SYT14: variants seen among roughly 807,000 people sequenced by gnomAD.
SYT14 encodes the protein synaptotagmin 14, also known as synaptotagmin-14.
In SYT14, 32 loss-of-function variants were observed where a neutral mutation model predicts 74.2. That is an observed-to-expected ratio of 0.43 (90% CI 0.33 to 0.58). SYT14 has a LOEUF of 0.58. Ranked by LOEUF, SYT14 falls within the 20% of genes least tolerant of loss-of-function variation. SYT14 has a pLI of 0.05. For synonymous variants in SYT14, 298 were observed against 337.7 expected, an observed-to-expected ratio of 0.88 and a Z score of 1.29; for missense variants, 791 against 981.8, an observed-to-expected ratio of 0.81 and a Z score of 2.60.
chr1:209,991,229 T>G (rs1273915243), intron 2 of SYT14, among the ~76,000 whole-genome samples: 1 of 152,144 alleles, frequency 6.6e-6, no homozygotes, highest in Non-Finnish European at 1.5e-5. Context: ...GACCAAGAAT[T>G]CATGACTGAG....
intron 5 of SYT14, among the ~76,000 whole-genome samples, chr1:210,041,743 A>G (rs1322101984): frequency 2.0e-5 from 3 of 152,142 alleles, no homozygotes; most frequent in South Asian, 4.1e-4. Flanking sequence ...AGACCCTACT[A>G]CTTGGGTCTG....
intron 5 of SYT14, among the ~76,000 whole-genome samples, chr1:210,040,165 T>A (rs2080756050): frequency 6.6e-6 from 1 of 152,150 alleles, no homozygotes. Context: ...GTGGCACATA[T>A]ACACCATGGA....
At position 210,083,067 on chromosome 1, in the gene SYT14, ACCT is replaced by A. The variant is rs201626074; in HGVS notation, c.1313-11252_1313-11250del. On this transcript the variant is annotated intron_variant, in intron 5 of 9. Transcript: ENST00000637265. ...ATGATCTCTCCTGATTGCAACCTCC[ACCT>A]CCCAGGTTCAAGAAATCCTCCCACT... 2.3e-3 allele frequency among the ~76,000 whole-genome samples: 346 copies of A among 150,894 alleles called. 11 individuals carry two copies. The East Asian group carries it at 0.063, about 28-fold the overall frequency.
intron 7 of SYT14, among the ~76,000 whole-genome samples, chr1:210,103,560 AAAAAAAAAG>A (rs2082108834): frequency 1.3e-5 from 2 of 151,616 alleles, no homozygotes; most frequent in African/African-American, 4.8e-5. Context: ...AAAAAAAAAA[AAAAAAAAAG>A]AGTTTAACAT....
intron 1 of SYT14, among the ~76,000 whole-genome samples, chr1:209,951,256 G>A (rs2078908107): frequency 6.6e-6 from 1 of 152,086 alleles, no homozygotes; most frequent in Non-Finnish European, 1.5e-5. Context: ...ACCCTTTGCA[G>A]TATCTCCCCT....
At chr1:209,975,971 A>G (rs1389256020) in intron 2 of SYT14, among the ~76,000 whole-genome samples, 3 of 151,912 alleles carry the variant, frequency 2.0e-5, no homozygotes, top group Non-Finnish European at 2.9e-5. Context: ...TTTCTTCTAG[A>G]TTTTCTAGTT....
intron 5 of SYT14, among the ~76,000 whole-genome samples, chr1:210,093,630 G>A (rs1426224325): frequency 6.6e-6 from 1 of 152,188 alleles, no homozygotes; most frequent in Non-Finnish European, 1.5e-5. Flanking sequence ...AGACAAGATG[G>A]AGTCATAATT....
At chr1:209,997,906 ATTC>A (rs1159239165) in intron 2 of SYT14, among the ~76,000 whole-genome samples, 2 of 152,178 alleles carry the variant, frequency 1.3e-5, no homozygotes, top group East Asian at 1.9e-4. Context: ...AGAATTCAAC[ATTC>A]TTCTTTGGTG....
chr1:209,985,466 A>C (rs745688783), intron 2 of SYT14, among the ~76,000 whole-genome samples: 4 of 152,310 alleles, frequency 2.6e-5, no homozygotes, highest in Middle Eastern at 3.4e-3. Flanking sequence ...GTGGCTTTTT[A>C]GGGGGTCAGC....
chr1:210,093,261 CAG>C (rs933243526), intron 5 of SYT14, among the ~76,000 whole-genome samples: 34 of 151,850 alleles, frequency 2.2e-4, no homozygotes, highest in African/African-American at 8.0e-4. Context: ...TTAGGAAGAA[CAG>C]AGGAACTATT....
intron 7 of SYT14, among the ~76,000 whole-genome samples, chr1:210,110,217 G>A (rs549700951): frequency 5.9e-5 from 9 of 152,208 alleles, no homozygotes; most frequent in East Asian, 5.8e-4. Flanking sequence ...GTATACCTAC[G>A]TAACAAACCT....
chr1:209,999,429 G>GT (rs761635024), intron 2 of SYT14, among the ~76,000 whole-genome samples: 1 of 152,028 alleles, frequency 6.6e-6, no homozygotes, highest in African/African-American at 2.4e-5. Flanking sequence ...GAAGAAATTA[G>GT]TTTATCAGTG....
chr1:210,036,802 T>C (rs2080674291), intron 5 of SYT14, among the ~76,000 whole-genome samples: 1 of 152,042 alleles, frequency 6.6e-6, no homozygotes, highest in Admixed American at 6.6e-5. Context: ...TGGTGTATTA[T>C]ATTTGTGATG....
chr1:210,086,373 A>G (rs775559284), intron 5 of SYT14, among the ~76,000 whole-genome samples: 3 of 152,232 alleles, frequency 2.0e-5, no homozygotes, highest in African/African-American at 4.8e-5. Context: ...ATTTATTTAT[A>G]TCTATATGGA....
intron 1 of SYT14, among the ~76,000 whole-genome samples, chr1:209,943,345 A>C (rs1458349650): frequency 6.6e-6 from 1 of 151,998 alleles, no homozygotes; most frequent in Admixed American, 6.6e-5. Context: ...TCTCTACTAA[A>C]AATACAAAAC....
chr1:210,108,134 A>T (rs920480214), intron 7 of SYT14, among the ~76,000 whole-genome samples: 1 of 152,226 alleles, frequency 6.6e-6, no homozygotes, highest in African/African-American at 2.4e-5. Flanking sequence ...TCTGTATTTC[A>T]TTAAATCTGG....
chr1:210,094,269 A>G, intron 5 of SYT14, 53 bp from the exon 5 acceptor site: 1 of 1,611,534 alleles, frequency 6.2e-7, no homozygotes, highest in Non-Finnish European at 8.5e-7. Context: ...TGTAGACTAT[A>G]CTGTGTGTTG....
chr1:210,081,478 A>G (rs1387443620), intron 5 of SYT14, among the ~76,000 whole-genome samples: 1 of 152,116 alleles, frequency 6.6e-6, no homozygotes, highest in Non-Finnish European at 1.5e-5. Context: ...ATACTGTAGT[A>G]TATTAAGTGT....
intron 1 of SYT14, among the ~76,000 whole-genome samples, chr1:209,952,196 C>T (rs2078922803): frequency 6.6e-6 from 1 of 151,740 alleles, no homozygotes; most frequent in South Asian, 2.1e-4. Context: ...AAAGAATAAT[C>T]AAAATATTTT....
Sources: allele counts gnomAD v4.1 joint callset (sites outside exome capture counted in the v4.1 genomes callset), GRCh38; gene constraint gnomAD v4.1.1; transcripts MANE v1.5; gene names NCBI Gene and HGNC (gene_info 2026-07-23, HGNC 2026-07-21).